CBFA2T2: variants seen among roughly 807,000 people sequenced by gnomAD.
CBFA2T2 encodes the protein CBFA2/RUNX1 partner transcriptional co-repressor 2.
A neutral mutation model predicts 62.2 loss-of-function variants in CBFA2T2; 11 were observed. That is an observed-to-expected ratio of 0.18 (90% CI 0.11 to 0.29). CBFA2T2 has a LOEUF of 0.29. CBFA2T2 is among the 10% of genes least tolerant of loss of function. CBFA2T2 has a pLI of 1.00. For synonymous variants in CBFA2T2, 295 were observed against 287.5 expected, an observed-to-expected ratio of 1.03 and a Z score of -0.27; for missense variants, 592 against 774.1, an observed-to-expected ratio of 0.76 and a Z score of 2.79.
At chr20:33,638,678 G>A (rs956557015) in intron 9 of CBFA2T2, 3 of 152,232 alleles carry the variant, frequency 2.0e-5, no homozygotes, top group East Asian at 1.9e-4. Flanking sequence ...GAGGTAAACC[G>A]TGAGGGAGTG....
At chr20:33,498,404 A>G (rs946779441) in intron 1 of CBFA2T2, among the ~76,000 whole-genome samples, 5 of 151,418 alleles carry the variant, frequency 3.3e-5, no homozygotes, top group Non-Finnish European at 7.4e-5. Flanking sequence ...GGCATGCGCC[A>G]CCACACCTGG....
intron 8 of CBFA2T2, among the ~76,000 whole-genome samples, chr20:33,634,725 C>T (rs2016576367): frequency 7.1e-6 from 1 of 141,056 alleles, no homozygotes; most frequent in Admixed American, 7.0e-5. Context: ...TTAATGAGTT[C>T]AATAAGCAGG....
chr20:33,532,521 A>G (rs2012092168), intron 1 of CBFA2T2, among the ~76,000 whole-genome samples: 1 of 152,168 alleles, frequency 6.6e-6, no homozygotes, highest in Non-Finnish European at 1.5e-5. Context: ...TTTTTGCTTT[A>G]AGCAACTGAG....
rs202168401 is a variant in CBFA2T2 at position 33,618,641 on chromosome 20, T to TTTTG, written c.421-847_421-844dup. ...TCTTTTTTCTTTTGCTTCTGGTGGT[T>TTTTG]TTTGTTTGTTTGTTTGTTTGTTTGT... On this transcript the variant is annotated intron_variant, in intron 3 of 10. Transcript: ENST00000342704. 686 of 152,212 alleles carry TTTTG rather than the reference T, an allele frequency of 4.5e-3. 5 individuals carry two copies. Among genetic ancestry groups the TTTTG allele is most frequent in the African/African-American group, 5.5e-3 (228 of 41,420 alleles). The allele number at this position is 152,212 out of a possible 1,614,324, so 9.4% of individuals were successfully genotyped here.
At chr20:33,566,927 G>A (rs575511848) in intron 1 of CBFA2T2, among the ~76,000 whole-genome samples, 5 of 152,254 alleles carry the variant, frequency 3.3e-5, no homozygotes, top group South Asian at 2.1e-4. Context: ...ATGCATAGCC[G>A]TCTTTTATAT....
intron 1 of CBFA2T2, among the ~76,000 whole-genome samples, chr20:33,506,607 T>C (rs1484841785): frequency 6.6e-6 from 1 of 152,180 alleles, no homozygotes; most frequent in Non-Finnish European, 1.5e-5. Flanking sequence ...ATAGCTCTTG[T>C]AATAAAAACT....
chr20:33,496,546 A>G (rs952764221), intron 1 of CBFA2T2, among the ~76,000 whole-genome samples: 13 of 152,224 alleles, frequency 8.5e-5, no homozygotes, highest in Non-Finnish European at 1.3e-4. Flanking sequence ...GTATATAATC[A>G]TTGGACCTTC....
At chr20:33,556,892 G>A (rs2012911598) in intron 1 of CBFA2T2, among the ~76,000 whole-genome samples, 1 of 149,236 alleles carries the variant, frequency 6.7e-6, no homozygotes, top group Non-Finnish European at 1.5e-5. Flanking sequence ...TGCTTAAATT[G>A]TTGCACAATT....
chr20:33,636,709 G>T lies in CBFA2T2; in HGVS notation c.1297+1G>T, dbSNP rs2016647338. On this transcript the variant is annotated splice_donor_variant, in intron 9 of 10. Transcript: ENST00000342704. LOFTEE classifies it high-confidence loss of function. ...CCTGTGGAGTTTTGGAAAAAAACAG[G>T]TATGTGTCTGACTGCTTGTAGGTCA... is the stretch of plus-strand genomic sequence containing the variant. 1 of 1,609,630 alleles carries T rather than the reference G, an allele frequency of 6.2e-7. No homozygotes were observed. Among genetic ancestry groups the T allele is most frequent in the Admixed American group, 1.7e-5 (1 of 59,938 alleles).
chr20:33,621,853 C>T (rs1380357625), intron 4 of CBFA2T2, among the ~76,000 whole-genome samples: 8 of 152,158 alleles, frequency 5.3e-5, no homozygotes, highest in South Asian at 2.1e-4. Context: ...ATTGAAGCCT[C>T]GGCTGCTCTG....
At chr20:33,594,262 C>A (rs1007959640) in intron 1 of CBFA2T2, among the ~76,000 whole-genome samples, 2 of 152,122 alleles carry the variant, frequency 1.3e-5, no homozygotes, top group Admixed American at 1.3e-4. Context: ...CACTCTGTTG[C>A]CCAGGCTGGA....
At chr20:33,600,438 T>C (rs1433734739) in intron 1 of CBFA2T2, 2 of 395,790 alleles carry the variant, frequency 5.1e-6, no homozygotes, top group Non-Finnish European at 1.0e-5. Context: ...TCTGCCTGCA[T>C]TGGCCTCCCA....
chr20:33,498,159 A>T (rs982493823), intron 1 of CBFA2T2, among the ~76,000 whole-genome samples: 1 of 148,924 alleles, frequency 6.7e-6, no homozygotes, highest in Non-Finnish European at 1.5e-5. Context: ...TAGAACTCCT[A>T]GGCTCAAGTG....
At chr20:33,610,397 CTG>C (rs1169752411) in intron 2 of CBFA2T2, among the ~76,000 whole-genome samples, 4 of 152,132 alleles carry the variant, frequency 2.6e-5, no homozygotes, top group African/African-American at 9.7e-5. Context: ...AATAGGAAAA[CTG>C]TAATTAATCA....
At chr20:33,592,825 T>C (rs1310065216) in intron 1 of CBFA2T2, among the ~76,000 whole-genome samples, 1 of 152,192 alleles carries the variant, frequency 6.6e-6, no homozygotes, top group East Asian at 1.9e-4. Context: ...TAATGAGTTG[T>C]AGTGCATATA....
intron 2 of CBFA2T2, among the ~76,000 whole-genome samples, chr20:33,607,891 T>C (rs917073697): frequency 5.9e-5 from 9 of 152,282 alleles, no homozygotes; most frequent in African/African-American, 1.9e-4. Context: ...GCTAATAATA[T>C]ATGTAACAAT....
chr20:33,621,653 A>T (rs1224955939), intron 4 of CBFA2T2, among the ~76,000 whole-genome samples: 1 of 152,180 alleles, frequency 6.6e-6, no homozygotes, highest in Non-Finnish European at 1.5e-5. Context: ...GGTCAAATAA[A>T]TATGCCCCTT....
chr20:33,569,884 T>C (rs1363790278), intron 1 of CBFA2T2, among the ~76,000 whole-genome samples: 3 of 152,188 alleles, frequency 2.0e-5, no homozygotes, highest in Non-Finnish European at 4.4e-5. Context: ...TTATATTCTA[T>C]TTATTTTGGA....
chr20:33,610,942 G>T (rs1399120542), intron 2 of CBFA2T2, 152 bp from the exon 3 acceptor site: 12 of 799,524 alleles, frequency 1.5e-5, no homozygotes, highest in Non-Finnish European at 1.8e-5. Context: ...TCTGACAGCA[G>T]TCTCACTGAG....
Sources: gnomAD v4.1 joint callset for allele counts (sites outside exome capture counted in the v4.1 genomes callset) on GRCh38, gnomAD v4.1.1 for gene constraint, MANE v1.5 for transcripts, NCBI Gene and HGNC (gene_info 2026-07-23, HGNC 2026-07-21) for gene names.